Variants in FTO observed in about 807,000 individuals in gnomAD.
FTO encodes the protein alpha-ketoglutarate-dependent dioxygenase FTO.
In FTO, 47 loss-of-function variants were observed where a neutral mutation model predicts 63.9. That is an observed-to-expected ratio of 0.74 (90% CI 0.58 to 0.94). The LOEUF (loss-of-function observed/expected upper bound fraction) is 0.94. Ranked by LOEUF, FTO falls within the 40% of genes least tolerant of loss-of-function variation. The probability of loss-of-function intolerance (pLI) is 0.00; values close to 1 mark genes in which losing one functional copy is unlikely to be tolerated. For synonymous variants in FTO, 207 were observed against 224.4 expected (o/e 0.92, Z 0.69); for missense variants, 562 against 618.1 (o/e 0.91, Z 0.96).
intron 8 of FTO, among the ~76,000 whole-genome samples, chr16:54,015,565 T>G (rs2084424874): frequency 6.6e-6 from 1 of 152,178 alleles, no homozygotes; most frequent in Non-Finnish European, 1.5e-5. Context: ...ACGAGTCGTT[T>G]TAAAAGGTAG....
At chr16:53,922,067 C>G (rs1439290732) in intron 7 of FTO, among the ~76,000 whole-genome samples, 2 of 152,098 alleles carry the variant, frequency 1.3e-5, no homozygotes, top group Non-Finnish European at 2.9e-5. Flanking sequence ...CTTTATAAAG[C>G]GTACCATAGT....
chr16:53,862,469 T>G (rs934631544), intron 4 of FTO, among the ~76,000 whole-genome samples: 5 of 152,156 alleles, frequency 3.3e-5, no homozygotes, highest in African/African-American at 1.2e-4. Context: ...CAGACTCTGG[T>G]CTTTTCACAA....
chr16:53,760,678 G>A (rs1598593756), intron 1 of FTO, among the ~76,000 whole-genome samples: 2 of 142,530 alleles, frequency 1.4e-5, no homozygotes, highest in South Asian at 2.3e-4. Flanking sequence ...CCAGACTGGA[G>A]TGTAGTGGCA....
chr16:53,992,004 T>C (rs1390955843), intron 8 of FTO: 1 of 152,190 alleles, frequency 6.6e-6, no homozygotes, highest in Admixed American at 6.5e-5. Flanking sequence ...TCTCTGCCTC[T>C]GTAACCAAGA....
intron 8 of FTO, among the ~76,000 whole-genome samples, chr16:53,934,508 G>C (rs1331107462): frequency 1.1e-4 from 17 of 152,166 alleles, no homozygotes; most frequent in Admixed American, 1.1e-3. Context: ...CAGATTACTT[G>C]AAAGTATAGT....
intron 8 of FTO, chr16:53,937,350 G>T (rs2143318667): frequency 5.0e-6 from 2 of 398,396 alleles, no homozygotes; most frequent in East Asian, 7.1e-5. Flanking sequence ...TGTTTATCCA[G>T]TCCCCTCTGC....
At chr16:54,015,320 T>C (rs1205572508) in intron 8 of FTO, among the ~76,000 whole-genome samples, 1 of 152,216 alleles carries the variant, frequency 6.6e-6, no homozygotes, top group Non-Finnish European at 1.5e-5. Flanking sequence ...TACAGCAACC[T>C]TCACTCCTAA....
At chr16:53,782,939 A>AGT (rs1598643365) in intron 1 of FTO, among the ~76,000 whole-genome samples, 2 of 152,322 alleles carry the variant, frequency 1.3e-5, no homozygotes, top group East Asian at 3.9e-4. Context: ...CCTTGTGTGT[A>AGT]GTAGGTGTGT....
rs1449846993 is a variant in FTO, at chr16:54,120,781, CA to C, written c.*8869del. 1.3e-5 allele frequency: 2 copies of C among 152,114 alleles called. No individual in the cohort carries two copies. The highest frequency in any genetic ancestry group is 2.9e-5 in the Non-Finnish European group (2 of 68,038). The allele number at this position is 152,114 out of a possible 1,614,324, so 9.4% of individuals were successfully genotyped here. A position where few individuals can be genotyped will look rare whatever the true frequency, so the allele number is the denominator to read the frequency against. ...CAAGAACAGGAACAGCCCCTCCCTC[CA>C]AATTTGAGCCCAGAAAGGAGAACCT... On this transcript the variant is annotated 3_prime_UTR_variant, in exon 9 of 9. Coordinates refer to ENST00000471389, the MANE Select transcript of FTO (RefSeq NM_001080432.3).
intron 8 of FTO, among the ~76,000 whole-genome samples, chr16:54,049,008 T>C (rs1359337611): frequency 1.3e-5 from 2 of 152,186 alleles, no homozygotes; most frequent in Non-Finnish European, 2.9e-5. Context: ...TTTTTTCTCT[T>C]TCATTCTTTC....
At chr16:53,820,226 C>G (rs1402151842) in intron 2 of FTO, among the ~76,000 whole-genome samples, 1 of 152,082 alleles carries the variant, frequency 6.6e-6, no homozygotes, top group East Asian at 1.9e-4. Context: ...CCAGGTTGGT[C>G]TCGAGCTCCT....
At chr16:53,917,927 T>C (rs2151951020) in intron 7 of FTO, among the ~76,000 whole-genome samples, 1 of 152,338 alleles carries the variant, frequency 6.6e-6, no homozygotes, top group African/African-American at 2.4e-5. Flanking sequence ...TATCCTTTTC[T>C]ACCAGATTGT....
At chr16:54,096,151 C>T (rs1342565329) in intron 8 of FTO, among the ~76,000 whole-genome samples, 1 of 152,238 alleles carries the variant, frequency 6.6e-6, no homozygotes, top group Non-Finnish European at 1.5e-5. Flanking sequence ...AGAAGTCCTT[C>T]TGCCCATATC....
chr16:53,943,275 G>A (rs922392249), intron 8 of FTO, among the ~76,000 whole-genome samples: 1 of 152,130 alleles, frequency 6.6e-6, no homozygotes, highest in Non-Finnish European at 1.5e-5. Context: ...GGCAAGTGTT[G>A]TTAATGTTAT....
chr16:54,066,404 C>T (rs1279535814), intron 8 of FTO, among the ~76,000 whole-genome samples: 1 of 152,196 alleles, frequency 6.6e-6, no homozygotes, highest in Admixed American at 6.5e-5. Context: ...GGACTAACTC[C>T]ACAATTATGA....
chr16:53,854,931 A>G (rs2079937525), intron 4 of FTO, among the ~76,000 whole-genome samples: 1 of 151,958 alleles, frequency 6.6e-6, no homozygotes, highest in Non-Finnish European at 1.5e-5. Context: ...ATGTATTTCT[A>G]TTCATTTGTG....
chr16:53,719,061 G>A (rs1348850412), intron 1 of FTO, among the ~76,000 whole-genome samples: 1 of 152,076 alleles, frequency 6.6e-6, no homozygotes, highest in Admixed American at 6.6e-5. Flanking sequence ...AAGGTAAAGT[G>A]AATAAAAATA....
At chr16:53,739,678 G>A (rs1463626664) in intron 1 of FTO, among the ~76,000 whole-genome samples, 1 of 152,198 alleles carries the variant, frequency 6.6e-6, no homozygotes, top group East Asian at 1.9e-4. Flanking sequence ...TATGTTTGAT[G>A]TTGGAGATCA....
chr16:54,027,418 T>C (rs762093581), intron 8 of FTO, among the ~76,000 whole-genome samples: 1 of 152,168 alleles, frequency 6.6e-6, no homozygotes, highest in Non-Finnish European at 1.5e-5. Context: ...AACTTTAGCA[T>C]ACATCACATC....
Sources: allele counts gnomAD v4.1 joint callset (sites outside exome capture counted in the v4.1 genomes callset), GRCh38; gene constraint gnomAD v4.1.1; transcripts MANE v1.5; gene names NCBI Gene and HGNC (gene_info 2026-07-23, HGNC 2026-07-21).